Variants in RIF1 observed in about 807,000 individuals in gnomAD.
RIF1 encodes telomere-associated protein RIF1.
RIF1 carries 45 observed loss-of-function variants against 247.1 expected under a neutral mutation model. The ratio of observed to expected loss-of-function variants is 0.18; its 90% CI spans 0.14 to 0.23. The LOEUF (loss-of-function observed/expected upper bound fraction) is 0.23, where lower values mean the gene tolerates loss of function less well. Among genes scored for constraint, RIF1 ranks in the 10% least tolerant of loss-of-function variants. The pLI, the probability that RIF1 is intolerant of heterozygous loss-of-function variation, is 1.00. For missense variants in RIF1, 2,967 were observed against 2,862.5 expected (o/e 1.04, Z -0.83); for synonymous variants, 1,087 against 978.8 (o/e 1.11, Z -2.06).
Position 151,435,590 on chromosome 2 carries a change from A to G in RIF1, c.1195+10A>G. ...ACTCCTGTACACAAAGGTAAGAGGT[A>G]GATATTCTTGTTTTTTGCTTTTTTA... On this transcript the variant is annotated intron_variant, in intron 11 of 35. Transcript: ENST00000444746. 2 of 1,464,472 alleles carry G rather than the reference A, an allele frequency of 1.4e-6. No homozygotes were observed. Among genetic ancestry groups the G allele is most frequent in the Non-Finnish European group, 1.9e-6 (2 of 1,045,554 alleles). The allele number at this position is 1,464,472 out of a possible 1,614,324, so 90.7% of individuals were successfully genotyped here.
intron 12 of RIF1, 69 bp downstream of exon 12, chr2:151,437,072 A>AGAG: frequency 7.2e-7 from 1 of 1,392,756 alleles, no homozygotes. Flanking sequence ...TGGGGTGAGG[A>AGAG]GAGGTGTTAT....
chr2:151,461,065 G>A, intron 26 of RIF1, 73 bp from the exon 27 acceptor site: 1 of 1,351,824 alleles, frequency 7.4e-7, no homozygotes. Flanking sequence ...CATTATTAGA[G>A]GAGAGTGATA....
chr2:151,424,523 T>C (rs1688675333), intron 8 of RIF1, among the ~76,000 whole-genome samples: 1 of 152,236 alleles, frequency 6.6e-6, no homozygotes, highest in South Asian at 2.1e-4. Flanking sequence ...AGGTTGTTTC[T>C]ACCTTTTGGC....
At chr2:151,411,014 T>C (rs930188828) in intron 2 of RIF1, among the ~76,000 whole-genome samples, 1 of 152,184 alleles carries the variant, frequency 6.6e-6, no homozygotes, top group African/African-American at 2.4e-5. Flanking sequence ...TGTTCTGTCT[T>C]TTTGGAGTCA....
At chr2:151,410,323 G>T in intron 1 of RIF1, 91 bp from the exon 2 acceptor site, 1 of 966,274 alleles carries the variant, frequency 1.0e-6, no homozygotes. Flanking sequence ...CCGGGCGGGC[G>T]TGCGGGTGTG....
intron 10 of RIF1, chr2:151,497,160 T>C: frequency 7.6e-7 from 1 of 1,322,880 alleles, no homozygotes; most frequent in South Asian, 1.4e-5. Context: ...AGAAGTTATA[T>C]GCTGACAAAA....
intron 19 of RIF1, among the ~76,000 whole-genome samples, chr2:151,446,014 CTTTTTTAT>C (rs1191387221): frequency 6.6e-6 from 1 of 152,080 alleles, no homozygotes; most frequent in Non-Finnish European, 1.5e-5. Context: ...GTGTTAGTCT[CTTTTTTAT>C]TTTGAGACAG....
chr2:151,424,783 C>T (rs1318578333), intron 8 of RIF1, among the ~76,000 whole-genome samples: 2 of 148,548 alleles, frequency 1.3e-5, no homozygotes, highest in Non-Finnish European at 3.0e-5. Flanking sequence ...ATCCTTCCAT[C>T]TCAGCCTCCC....
chr2:151,473,880 T>C (rs1432393257), intron 34 of RIF1, 84 bp from the exon 35 acceptor site: 1 of 751,090 alleles, frequency 1.3e-6, no homozygotes, highest in Non-Finnish European at 2.4e-6. Context: ...TTCCAGTGTT[T>C]GTACTATTAC....
In RIF1 at chr2:151,411,938, G is replaced by C. The variant is rs189107697; in HGVS notation, c.183+600G>C. On this transcript the variant is annotated intron_variant, in intron 3 of 35. Transcript: ENST00000444746. ...TGCCTAAAGTTGCCTAGGGGCACTT[G>C]AATCTGAGTTTGTGCTCTTGAAAGC... is the stretch of plus-strand genomic sequence containing the variant. 1.5e-3 allele frequency among the ~76,000 whole-genome samples: 221 copies of C among 152,336 alleles called. 1 individual carries two copies. The highest frequency in any genetic ancestry group is 5.0e-3 in the African/African-American group (207 of 41,584).
exon 13 of RIF1, chr2:151,506,361 A>G (rs2153189132): frequency 1.2e-6 from 1 of 853,030 alleles, no homozygotes; most frequent in Non-Finnish European, 1.9e-6. Flanking sequence ...ACAAGACACT[A>G]GACGATGTTC....
intron 9 of RIF1, chr2:151,493,053 T>C (rs1396994691): frequency 6.9e-6 from 2 of 290,492 alleles, no homozygotes; most frequent in Non-Finnish European, 1.3e-5. Context: ...AAATTTGTTA[T>C]AGTTGGTTAC....
At chr2:151,502,066 C>T (rs1489804191) in intron 11 of RIF1, among the ~76,000 whole-genome samples, 1 of 152,032 alleles carries the variant, frequency 6.6e-6, no homozygotes, top group Non-Finnish European at 1.5e-5. Flanking sequence ...AGCTGCAAAC[C>T]AGTGACCTCT....
chr2:151,511,040 A>T (rs1346870624), downstream of RIF1, among the ~76,000 whole-genome samples: 1 of 152,226 alleles, frequency 6.6e-6, no homozygotes, highest in Non-Finnish European at 1.5e-5. Context: ...GGCCTTGAGG[A>T]ACCAGCCAAA....
intron 9 of RIF1, among the ~76,000 whole-genome samples, chr2:151,430,253 C>A (rs1330209199): frequency 6.6e-6 from 1 of 152,022 alleles, no homozygotes; most frequent in Non-Finnish European, 1.5e-5. Context: ...GATCCCCTGA[C>A]CTGGTGATCT....
chr2:151,498,001 G>T, intron 10 of RIF1: 4 of 1,433,984 alleles, frequency 2.8e-6, no homozygotes, highest in Non-Finnish European at 2.7e-6. Flanking sequence ...ATGAGGATTT[G>T]AGACTGTTAG....
At position 151,465,961 on chromosome 2, in the gene RIF1, A is replaced by G; in HGVS notation, c.6441A>G (p.Lys2147=). 1 of 1,614,116 alleles carries G rather than the reference A, an allele frequency of 6.2e-7. No individual in the cohort carries two copies. Among genetic ancestry groups the G allele is most frequent in the South Asian group, 1.1e-5 (1 of 91,082 alleles). Reference sequence around the variant, plus strand: ...AAGACAATAATGCATCTCCTCAAAAACTAAGGGAACTTGATCCTTCACTTG... The same window carrying G: ...AAGACAATAATGCATCTCCTCAAAAGCTAAGGGAACTTGATCCTTCACTTG... ...IIEDNNASPQ[K]LRELDPSLVS... is the part of the protein sequence containing the mutation. The change falls in exon 30 of 36, where the codon AAA becomes AAG. Residue 2147 remains lysine (K), a synonymous_variant. Transcript: ENST00000444746.
chr2:151,527,038 G>A, the RIF1 span: 21 of 1,545,578 alleles, frequency 1.4e-5, no homozygotes, highest in Non-Finnish European at 1.9e-5. Context: ...ATAGAAGAAA[G>A]GCAGAAGAAA....
chr2:151,507,924 C>T lies in RIF1; in HGVS notation c.*1223C>T, dbSNP rs921841264. 9.0e-6 allele frequency: 9 copies of T among 998,232 alleles called. No individual in the cohort carries two copies. In the Admixed American group the frequency reaches 1.8e-4, roughly 20 times the overall value. 61.8% of individuals were successfully genotyped at this position (998,232 alleles called of 1,614,324 possible). A position where few individuals can be genotyped will look rare whatever the true frequency, so the allele number is the denominator to read the frequency against. The stretch of plus-strand genomic sequence containing the variant: ...GGAGGGCTGCACAACAGCCCCACTG[C>T]AAGCCTGGGATATCCAGAGGCATCT... On this transcript the variant is annotated 3_prime_UTR_variant and NMD_transcript_variant, in exon 14 of 14. Transcript: ENST00000454583.
Sources: allele counts gnomAD v4.1 joint callset (sites outside exome capture counted in the v4.1 genomes callset), GRCh38; gene constraint gnomAD v4.1.1; transcripts MANE v1.5; gene names NCBI Gene and HGNC (gene_info 2026-07-23, HGNC 2026-07-21).